Variants in SLC30A9 observed in about 807,000 individuals in gnomAD.
SLC30A9 encodes the protein proton-coupled zinc antiporter SLC30A9, mitochondrial.
A neutral mutation model predicts 87.5 loss-of-function variants in SLC30A9; 58 were observed. That is an observed-to-expected ratio of 0.66 (90% CI 0.54 to 0.82). SLC30A9 has a LOEUF of 0.82. Ranked by LOEUF, SLC30A9 falls within the 40% of genes least tolerant of loss-of-function variation. The probability of loss-of-function intolerance (pLI) is 0.00; values close to 1 mark genes in which losing one functional copy is unlikely to be tolerated. For missense variants in SLC30A9, 557 were observed against 679.1 expected, an observed-to-expected ratio of 0.82 and a Z score of 2.00; for synonymous variants, 234 against 233.0, an observed-to-expected ratio of 1.00 and a Z score of -0.04.
chr4:42,052,216 A>G (rs1387737862), intron 9 of SLC30A9, among the ~76,000 whole-genome samples: 1 of 152,160 alleles, frequency 6.6e-6, no homozygotes, highest in African/African-American at 2.4e-5. Flanking sequence ...AAGACATACA[A>G]GACCTTTACG....
chr4:42,004,210 G>A (rs952787040), intron 2 of SLC30A9, among the ~76,000 whole-genome samples: 4 of 152,116 alleles, frequency 2.6e-5, no homozygotes, highest in African/African-American at 7.2e-5. Flanking sequence ...TTTTCTATTT[G>A]ACAGCATTTT....
chr4:42,071,246 GA>G (rs1335557645), intron 15 of SLC30A9, among the ~76,000 whole-genome samples: 12 of 152,068 alleles, frequency 7.9e-5, no homozygotes, highest in African/African-American at 2.9e-4. Flanking sequence ...GCTTTTCAGT[GA>G]AATTCTAGCA....
chr4:42,072,594 T>C (rs542814646), intron 15 of SLC30A9, among the ~76,000 whole-genome samples: 1 of 152,284 alleles, frequency 6.6e-6, no homozygotes, highest in South Asian at 2.1e-4. Flanking sequence ...TTTTGTTCTA[T>C]TGTGGTCAAA....
chr4:42,063,188 C>CT, intron 11 of SLC30A9, 67 bp downstream of exon 11: 1 of 1,449,894 alleles, frequency 6.9e-7, no homozygotes, highest in East Asian at 2.3e-5. Flanking sequence ...AGTAGAAGGC[C>CT]TTTGTCATAT....
intron 4 of SLC30A9, chr4:42,020,739 A>G (rs2153135296): frequency 7.7e-6 from 3 of 391,658 alleles, no homozygotes; most frequent in South Asian, 5.5e-5. Flanking sequence ...TAGTTTCTTA[A>G]ACCCACAATG....
At chr4:42,083,641 T>TG (rs1475889172) in intron 17 of SLC30A9, among the ~76,000 whole-genome samples, 30 of 148,546 alleles carry the variant, frequency 2.0e-4, no homozygotes, top group African/African-American at 7.0e-4. Context: ...ACACATTTAT[T>TG]TATATCATGC....
In SLC30A9 at chr4:42,028,112, A is replaced by ATTTAT. The variant is rs553089035; in HGVS notation, c.610+4747_610+4751dup. Among the ~76,000 whole-genome samples the ATTTAT allele has an allele frequency of 7.9e-5, 12 of 152,222 alleles. No homozygotes were observed. The East Asian group carries it at 1.9e-3, about 24-fold the overall frequency. On this transcript the variant is annotated intron_variant, in intron 6 of 17. Coordinates refer to ENST00000264451, the MANE Select transcript of SLC30A9 (RefSeq NM_006345.4). Reference sequence around the variant, plus strand: ...GTATGTGGAGCAACCACAGGCAAGAATTTATTTTATTTTATTTTATTTTTG... The same window carrying ATTTAT: ...GTATGTGGAGCAACCACAGGCAAGAATTTATTTTATTTTATTTTATTTTATTTTTG...
chr4:42,088,060 G>A lies in SLC30A9; in HGVS notation c.*1934G>A, dbSNP rs1718984739. ...GATATTTCTTTTTAAATCTGATTTTGGTTGAGGTCATACCATTCTTAAATA... is the reference window on the plus strand; with the variant it reads ...GATATTTCTTTTTAAATCTGATTTTAGTTGAGGTCATACCATTCTTAAATA... On this transcript the variant is annotated 3_prime_UTR_variant, in exon 18 of 18. Transcript: ENST00000264451. The A allele has an allele frequency of 6.6e-6, 1 of 150,750 alleles. No individual in the cohort carries two copies. The allele number at this position is 150,750 out of a possible 1,614,324, so 9.3% of individuals were successfully genotyped here. A position where few individuals can be genotyped will look rare whatever the true frequency, so the allele number is the denominator to read the frequency against.
intron 15 of SLC30A9, among the ~76,000 whole-genome samples, chr4:42,071,046 T>C (rs1264369342): frequency 1.3e-5 from 2 of 152,106 alleles, no homozygotes; most frequent in African/African-American, 4.8e-5. Context: ...ATATATTAAA[T>C]TTAAAAAGAT....
chr4:42,082,107 C>T (rs542846943), intron 17 of SLC30A9, among the ~76,000 whole-genome samples: 7 of 151,898 alleles, frequency 4.6e-5, no homozygotes, highest in Non-Finnish European at 1.0e-4. Context: ...GTCTCAGCTA[C>T]TCCGGAGGCT....
intron 8 of SLC30A9, among the ~76,000 whole-genome samples, chr4:42,047,260 C>G (rs1263600970): frequency 6.6e-6 from 1 of 152,184 alleles, no homozygotes; most frequent in Non-Finnish European, 1.5e-5. Context: ...AACTTCTGCA[C>G]AGCAAAATAA....
chr4:41,996,370 G>A (rs1714706099), intron 1 of SLC30A9, among the ~76,000 whole-genome samples: 2 of 151,790 alleles, frequency 1.3e-5, no homozygotes, highest in African/African-American at 4.8e-5. Context: ...TCCCATTACA[G>A]GCGTGAGCCA....
chr4:42,013,016 C>T (rs1577684107), intron 2 of SLC30A9, among the ~76,000 whole-genome samples: 1 of 152,180 alleles, frequency 6.6e-6, no homozygotes, highest in Admixed American at 6.5e-5. Flanking sequence ...CTCAGTGACT[C>T]AGGCCTGTAC....
chr4:42,001,684 A>T lies in SLC30A9; in HGVS notation c.178A>T (p.Thr60Ser), dbSNP rs1239172014. ...MVPCSHPYIG[T>S]LSQVKLYSTN... ...TCCCTGTAGTCATCCATATATTGGT[A>T]CCCTGAGTCAAGTAAAGTTGTACTC... is the stretch of plus-strand genomic sequence containing the variant. Residue 60 changes from threonine to serine, a missense_variant, in exon 2 of 18, where the codon ACC becomes TCC. This residue lies in a region of SLC30A9 where 467 missense variants were observed against 529.8 expected (regional missense o/e 0.88). Coordinates refer to ENST00000264451, the MANE Select transcript of SLC30A9 (RefSeq NM_006345.4). The T allele has an allele frequency of 1.9e-6, 3 of 1,608,756 alleles. No individual in the cohort carries two copies. The Admixed American group carries it at 5.0e-5, about 27-fold the overall frequency.
At chr4:42,038,488 A>G (rs1215713555) in intron 7 of SLC30A9, among the ~76,000 whole-genome samples, 1 of 152,208 alleles carries the variant, frequency 6.6e-6, no homozygotes, top group African/African-American at 2.4e-5. Flanking sequence ...TAAAACATAC[A>G]TTCTGTTTGT....
intron 7 of SLC30A9, among the ~76,000 whole-genome samples, chr4:42,036,166 T>C (rs1362719966): frequency 6.6e-6 from 1 of 152,230 alleles, no homozygotes; most frequent in Non-Finnish European, 1.5e-5. Flanking sequence ...AGCTATTGCA[T>C]ATCTTTTTCT....
At chr4:42,066,195 A>G (rs1718069190) in intron 12 of SLC30A9, among the ~76,000 whole-genome samples, 1 of 152,156 alleles carries the variant, frequency 6.6e-6, no homozygotes, top group African/African-American at 2.4e-5. Context: ...CTAATTGTAT[A>G]TGTTTATGGG....
chr4:42,015,511 A>T (rs1006369481), intron 2 of SLC30A9, among the ~76,000 whole-genome samples: 3 of 152,194 alleles, frequency 2.0e-5, no homozygotes, highest in Non-Finnish European at 4.4e-5. Flanking sequence ...CATAATCTAA[A>T]TATGTGGAAT....
In SLC30A9 at chr4:42,005,969, C is replaced by T. The variant is rs115326931; in HGVS notation, c.274+4189C>T. 8.4e-3 allele frequency among the ~76,000 whole-genome samples: 1,277 copies of T among 152,248 alleles called. 26 individuals carry two copies. The highest frequency in any genetic ancestry group is 0.029 in the African/African-American group (1,220 of 41,522). On this transcript the variant is annotated intron_variant, in intron 2 of 17. Coordinates refer to ENST00000264451, the MANE Select transcript of SLC30A9 (RefSeq NM_006345.4). ...ATGTGTTCAGCATCTGTGGATTCAA[C>T]CAAACAAGGATTAAAAGATTTGGGG...
Sources: allele counts gnomAD v4.1 joint callset (sites outside exome capture counted in the v4.1 genomes callset), GRCh38; gene constraint gnomAD v4.1.1; regional missense constraint gnomAD v4.1.1; transcripts MANE v1.5; gene names NCBI Gene and HGNC (gene_info 2026-07-23, HGNC 2026-07-21).